The following RERE variants were observed in gnomAD, a reference collection of about 807,000 sequenced individuals.
The protein encoded by RERE is arginine-glutamic acid dipeptide repeats protein.
A neutral mutation model predicts 146.1 loss-of-function variants in RERE; 40 were observed. The ratio of observed to expected loss-of-function variants is 0.27; its 90% confidence interval spans 0.21 to 0.36. The LOEUF is 0.36. Ranked by LOEUF, RERE falls within the 10% of genes least tolerant of loss-of-function variation. The pLI is 1.00. For synonymous variants in RERE, 1,003 were observed against 866.0 expected (o/e 1.16, Z -2.78); for missense variants, 1,933 against 2,138.7 (o/e 0.90, Z 1.90).
chr1:8,456,131 TCTCC>T (rs749207271), intron 11 of RERE, among the ~76,000 whole-genome samples: 1 of 152,134 alleles, frequency 6.6e-6, no homozygotes, highest in Non-Finnish European at 1.5e-5. Context: ...TTAGAGGGAC[TCTCC>T]CCTGAGCTGA....
At chr1:8,596,286 T>C (rs184542504) in intron 4 of RERE, among the ~76,000 whole-genome samples, 9 of 152,332 alleles carry the variant, frequency 5.9e-5, no homozygotes, top group African/African-American at 1.2e-4. Context: ...TAGAAACTGG[T>C]AGGAGCAAGC....
chr1:8,659,872 T>A (rs546919002), intron 1 of RERE, among the ~76,000 whole-genome samples: 19 of 152,204 alleles, frequency 1.2e-4, no homozygotes, highest in Non-Finnish European at 2.6e-4. Flanking sequence ...ATACACTGTT[T>A]CTATTTACAA....
intron 1 of RERE, among the ~76,000 whole-genome samples, chr1:8,797,845 T>C: frequency 6.6e-6 from 1 of 152,208 alleles, no homozygotes; most frequent in East Asian, 1.9e-4. Context: ...CAGGAAAAGT[T>C]GTACTTTCTC....
chr1:8,788,466 G>A (rs1351481374), intron 1 of RERE, among the ~76,000 whole-genome samples: 1 of 149,764 alleles, frequency 6.7e-6, no homozygotes, highest in Non-Finnish European at 1.5e-5. Context: ...CCAAGTTCAA[G>A]CGATTCTCCT....
At chr1:8,408,916 G>C (rs1232036642) in intron 12 of RERE, among the ~76,000 whole-genome samples, 1 of 152,100 alleles carries the variant, frequency 6.6e-6, no homozygotes, top group Admixed American at 6.6e-5. Context: ...TGTGTTTGGG[G>C]GTCCCCCAAA....
chr1:8,678,500 A>C (rs1344410042), intron 1 of RERE, among the ~76,000 whole-genome samples: 2 of 151,584 alleles, frequency 1.3e-5, no homozygotes, highest in African/African-American at 2.4e-5. Flanking sequence ...AAAAAAAAAA[A>C]AATTAGCCAG....
At chr1:8,706,313 G>GT (rs1466022526) in intron 1 of RERE, among the ~76,000 whole-genome samples, 1 of 151,922 alleles carries the variant, frequency 6.6e-6, no homozygotes, top group African/African-American at 2.4e-5. Context: ...AAAAAGTCTA[G>GT]TAAAAAGGAG....
intron 2 of RERE, among the ~76,000 whole-genome samples, chr1:8,639,688 T>C (rs1195268783): frequency 6.6e-6 from 1 of 152,260 alleles, no homozygotes; most frequent in African/African-American, 2.4e-5. Flanking sequence ...AACTACTACT[T>C]TTCAGTTAAA....
At chr1:8,720,795 C>A (rs1458220762) in intron 1 of RERE, among the ~76,000 whole-genome samples, 1 of 152,200 alleles carries the variant, frequency 6.6e-6, no homozygotes, top group Non-Finnish European at 1.5e-5. Context: ...GTGGCTCACG[C>A]CTGTAATCCC....
At chr1:8,700,202 G>A (rs1639417692) in intron 1 of RERE, among the ~76,000 whole-genome samples, 1 of 152,130 alleles carries the variant, frequency 6.6e-6, no homozygotes, top group African/African-American at 2.4e-5. Flanking sequence ...CTACTCAGGA[G>A]GCTGAGGCTG....
intron 7 of RERE, among the ~76,000 whole-genome samples, chr1:8,532,254 G>A (rs1645663735): frequency 6.6e-6 from 1 of 152,016 alleles, no homozygotes; most frequent in Non-Finnish European, 1.5e-5. Context: ...TCATAAGATT[G>A]AACCTATAAA....
rs58064164 is a variant in RERE, at chr1:8,516,227, G to GAAAAAAAAAAAAAAAAAAAAAAAAAAA, written c.831-7553_831-7552insTTTTTTTTTTTTTTTTTTTTTTTTTTT. On this transcript the variant is annotated intron_variant, in intron 7 of 22. Transcript: ENST00000400908. ...GGGACGGAGCAAGACTCTCTCAGAG[G>GAAAAAAAAAAAAAAAAAAAAAAAAAAA]AAAAAAAAAAAAAAAAAAAAAATCT... Among the ~76,000 whole-genome samples, 16 of 52,308 alleles carry GAAAAAAAAAAAAAAAAAAAAAAAAAAA rather than the reference G, an allele frequency of 3.1e-4. 1 individual carries two copies. Among genetic ancestry groups the GAAAAAAAAAAAAAAAAAAAAAAAAAAA allele is most frequent in the Admixed American group, 6.0e-4 (2 of 3,342 alleles). The allele number at this position is 52,308 out of a possible 152,430, so 34.3% of individuals were successfully genotyped here. A position where few individuals can be genotyped will look rare whatever the true frequency, so the allele number is the denominator to read the frequency against.
chr1:8,530,017 C>T (rs1384626327), intron 7 of RERE, among the ~76,000 whole-genome samples: 1 of 152,152 alleles, frequency 6.6e-6, no homozygotes, highest in Non-Finnish European at 1.5e-5. Flanking sequence ...GACTACCCAC[C>T]TGGACCTCAC....
chr1:8,354,993 CT>C lies in RERE; in HGVS notation c.*93del, dbSNP rs1641233134. ...TATAAAGAAATCTTTAGAAGATATTCTTTTTGCTTTTGCAGCTCCTATTTTA... is the reference window on the plus strand; with the variant it reads ...TATAAAGAAATCTTTAGAAGATATTCTTTTGCTTTTGCAGCTCCTATTTTA... On this transcript the variant is annotated 3_prime_UTR_variant, in exon 23 of 23. Transcript: ENST00000400908. 1.1e-5 allele frequency: 11 copies of C among 984,060 alleles called. No homozygotes were observed. The highest frequency in any genetic ancestry group is 1.7e-5 in the African/African-American group (1 of 60,284). The allele number at this position is 984,060 out of a possible 1,614,324, so 61.0% of individuals were successfully genotyped here. A position where few individuals can be genotyped will look rare whatever the true frequency, so the allele number is the denominator to read the frequency against.
At chr1:8,472,294 A>G (rs1444941013) in intron 10 of RERE, among the ~76,000 whole-genome samples, 1 of 152,256 alleles carries the variant, frequency 6.6e-6, no homozygotes, top group Non-Finnish European at 1.5e-5. Flanking sequence ...AAGGATTGCC[A>G]TAATTTCATA....
At chr1:8,766,014 G>A (rs1268478752) in intron 1 of RERE, among the ~76,000 whole-genome samples, 1 of 152,022 alleles carries the variant, frequency 6.6e-6, no homozygotes, top group Non-Finnish European at 1.5e-5. Context: ...TTGGGAGGCT[G>A]AGGCAGGAGA....
At chr1:8,606,911 G>GC (rs1646718532) in intron 4 of RERE, among the ~76,000 whole-genome samples, 1 of 152,092 alleles carries the variant, frequency 6.6e-6, no homozygotes, top group Admixed American at 6.5e-5. Flanking sequence ...AACTGAAAAT[G>GC]CAACTTCCAG....
chr1:8,694,584 C>T (rs1469378868), intron 1 of RERE, among the ~76,000 whole-genome samples: 4 of 152,010 alleles, frequency 2.6e-5, no homozygotes, highest in African/African-American at 9.7e-5. Context: ...TATGGTGAAA[C>T]CCCATCTCTA....
At chr1:8,361,698 A>G in intron 17 of RERE, 65 bp downstream of exon 17, 2 of 1,456,366 alleles carry the variant, frequency 1.4e-6, no homozygotes, top group Non-Finnish European at 1.9e-6. Context: ...ACTAGGGAGA[A>G]CCCCGGCTGG....
Sources: allele counts gnomAD v4.1 joint callset (sites outside exome capture counted in the v4.1 genomes callset), GRCh38; gene constraint gnomAD v4.1.1; transcripts MANE v1.5; gene names NCBI Gene and HGNC (gene_info 2026-07-23, HGNC 2026-07-21).